Variants in DUSP11 observed in about 807,000 individuals in gnomAD.
DUSP11 encodes dual specificity phosphatase 11, also known as RNA/RNP complex-1-interacting phosphatase.
A neutral mutation model predicts 41.4 loss-of-function variants in DUSP11; 27 were observed. The observed-to-expected ratio is 0.65, with a 90% confidence interval of 0.48 to 0.90. The LOEUF is 0.90. Among genes scored for constraint, DUSP11 ranks in the 40% least tolerant of loss-of-function variants. The pLI, the probability that DUSP11 is intolerant of heterozygous loss-of-function variation, is 0.00. For synonymous variants in DUSP11, 188 were observed against 159.3 expected (o/e 1.18, Z -1.35); for missense variants, 465 against 461.1 (o/e 1.01, Z -0.08).
At chr2:73,763,618 G>C (rs927553746) in intron 8 of DUSP11, among the ~76,000 whole-genome samples, 2 of 152,190 alleles carry the variant, frequency 1.3e-5, no homozygotes, top group African/African-American at 2.4e-5. Context: ...AGCTACTGGG[G>C]AGGCTGAGGC....
chr2:73,769,381 A>T, intron 4 of DUSP11, 56 bp from the exon 5 acceptor site: 1 of 1,201,816 alleles, frequency 8.3e-7, no homozygotes, highest in Non-Finnish European at 1.2e-6. Context: ...AGTATATAAC[A>T]TTATCACTGC....
intron 4 of DUSP11, among the ~76,000 whole-genome samples, chr2:73,772,252 TG>T (rs1439870836): frequency 6.6e-6 from 1 of 152,252 alleles, no homozygotes; most frequent in Non-Finnish European, 1.5e-5. Context: ...AGGATCTCAG[TG>T]TTTACTGAAT....
At chr2:73,774,856 T>A in intron 3 of DUSP11, 57 bp downstream of exon 3, 1 of 1,399,324 alleles carries the variant, frequency 7.1e-7, no homozygotes, top group Non-Finnish European at 9.5e-7. Context: ...TGAATTACTA[T>A]AAATTATTTT....
intron 4 of DUSP11, 136 bp downstream of exon 4, chr2:73,773,664 T>C: frequency 1.2e-6 from 1 of 869,414 alleles, no homozygotes. Flanking sequence ...CTTACCCTAT[T>C]AGCACCATCT....
chr2:73,774,838 A>T, intron 3 of DUSP11, 75 bp downstream of exon 3: 1 of 1,291,184 alleles, frequency 7.7e-7, no homozygotes, highest in Non-Finnish European at 1.0e-6. Context: ...TTAGCACAAG[A>T]TGATTACTGA....
chr2:73,774,273 A>C (rs756685714), intron 3 of DUSP11, among the ~76,000 whole-genome samples: 1 of 152,228 alleles, frequency 6.6e-6, no homozygotes, highest in Non-Finnish European at 1.5e-5. Context: ...ATTTAAGTAG[A>C]AGAGTAGAGA....
chr2:73,778,140 A>G, intron 2 of DUSP11, among the ~76,000 whole-genome samples, 161 bp downstream of exon 2: 1 of 152,058 alleles, frequency 6.6e-6, no homozygotes, highest in East Asian at 1.9e-4. Context: ...TAAAATATGA[A>G]GTAGGTTGTA....
intron 8 of DUSP11, 94 bp downstream of exon 8, chr2:73,766,323 AC>A: frequency 1.4e-5 from 16 of 1,158,660 alleles, no homozygotes; most frequent in South Asian, 5.2e-5. Flanking sequence ...AAAAAAAAAA[AC>A]GAAGAATTCC....
rs148845648 is a variant in DUSP11 at position 73,779,680 on chromosome 2, A to C, written c.242+194T>G. 337 of 805,106 alleles carry C rather than the reference A, an allele frequency of 4.2e-4. 1 individual carries two copies. In the East Asian group the frequency reaches 8.5e-3, roughly 20 times the overall value. The allele number at this position is 805,106 out of a possible 1,614,324, so 49.9% of individuals were successfully genotyped here. A position where few individuals can be genotyped will look rare whatever the true frequency, so the allele number is the denominator to read the frequency against. On this transcript the variant is annotated intron_variant, in intron 1 of 8. Transcript: ENST00000272444. ...GAACCTCCCTTTTACAAGAATATGG[A>C]GAAATCACAGGACATCACAGACATC...
At chr2:73,775,416 T>A (rs1285179949) in intron 2 of DUSP11, among the ~76,000 whole-genome samples, 2 of 148,990 alleles carry the variant, frequency 1.3e-5, no homozygotes, top group African/African-American at 2.5e-5. Context: ...CTGTCATCCG[T>A]CATCCAGGCT....
intron 5 of DUSP11, chr2:73,767,743 A>G (rs1672494638): frequency 6.5e-6 from 1 of 152,962 alleles, no homozygotes; most frequent in Admixed American, 6.5e-5. Context: ...GTATATCTGT[A>G]TCTTTCTACC....
chr2:73,767,825 C>A (rs531665181), intron 5 of DUSP11: 1 of 152,802 alleles, frequency 6.5e-6, no homozygotes, highest in South Asian at 2.1e-4. Flanking sequence ...CAACTTGTCT[C>A]CTTGCTTCTA....
At chr2:73,767,107 T>C (rs1462484457) in intron 6 of DUSP11, 54 bp downstream of exon 6, 3 of 1,507,120 alleles carry the variant, frequency 2.0e-6, no homozygotes. Context: ...TTCTTCTACA[T>C]TTCCACCTTT....
At chr2:73,773,743 A>C (rs958087314) in intron 4 of DUSP11, 57 bp downstream of exon 4, 28 of 1,523,088 alleles carry the variant, frequency 1.8e-5, no homozygotes, top group Non-Finnish European at 2.5e-5. Flanking sequence ...AAAATACCAA[A>C]AATCCCCAAC....
intron 1 of DUSP11, among the ~76,000 whole-genome samples, chr2:73,779,308 T>C (rs912529760): frequency 1.3e-5 from 2 of 152,184 alleles, no homozygotes; most frequent in Non-Finnish European, 1.5e-5. Context: ...TATTGAGGTA[T>C]GAGATGGTGG....
chr2:73,773,504 C>CAAAAA, intron 4 of DUSP11: 1 of 361,364 alleles, frequency 2.8e-6, no homozygotes, highest in African/African-American at 2.2e-5. Flanking sequence ...ACTTCTTAAC[C>CAAAAA]AATATAGAAG....
At chr2:73,774,820 G>T in intron 3 of DUSP11, 93 bp downstream of exon 3, 5 of 1,131,348 alleles carry the variant, frequency 4.4e-6, no homozygotes, top group Non-Finnish European at 4.9e-6. Context: ...AGAAGGCCAA[G>T]CTTCACATTA....
At chr2:73,771,741 A>G (rs2103939389) in intron 4 of DUSP11, among the ~76,000 whole-genome samples, 2 of 147,848 alleles carry the variant, frequency 1.4e-5, no homozygotes, top group South Asian at 4.3e-4. Flanking sequence ...TGACCTCATG[A>G]TCTGCCCACC....
intron 6 of DUSP11, 26 bp from the exon 7 acceptor site, chr2:73,766,929 A>G (rs775514973): frequency 1.9e-6 from 3 of 1,589,322 alleles, no homozygotes; most frequent in Non-Finnish European, 2.6e-6. Context: ...ACTGTTAGAA[A>G]TAACTGTACA....
Sources: gnomAD v4.1 joint callset for allele counts (sites outside exome capture counted in the v4.1 genomes callset) on GRCh38, gnomAD v4.1.1 for gene constraint, MANE v1.5 for transcripts, NCBI Gene and HGNC (gene_info 2026-07-23, HGNC 2026-07-21) for gene names.